The following ABR variants were observed in gnomAD, a reference collection of about 807,000 sequenced individuals.
ABR encodes the protein active breakpoint cluster region-related protein.
ABR carries 35 observed loss-of-function variants against 107.2 expected under a neutral mutation model. That is an observed-to-expected ratio of 0.33 (90% CI 0.25 to 0.43). ABR has a LOEUF of 0.43. Among genes scored for constraint, ABR ranks in the 20% least tolerant of loss-of-function variants. The pLI is 1.00. For missense variants in ABR, 815 were observed against 1,115.2 expected (o/e 0.73, Z 3.83); for synonymous variants, 498 against 462.0 (o/e 1.08, Z -1.00).
intron 2 of ABR, among the ~76,000 whole-genome samples, chr17:1,105,606 G>C (rs1479005401): frequency 2.6e-5 from 4 of 152,150 alleles, no homozygotes; most frequent in Non-Finnish European, 5.9e-5. Flanking sequence ...GGGCTCAGTG[G>C]CTCACTCCTG....
At chr17:1,025,152 C>T (rs1181073268) in intron 16 of ABR, among the ~76,000 whole-genome samples, 5 of 140,264 alleles carry the variant, frequency 3.6e-5, no homozygotes, top group African/African-American at 1.1e-4. Context: ...AAAACTTGGC[C>T]GGGCGTGGTG....
intron 7 of ABR, among the ~76,000 whole-genome samples, chr17:1,073,222 G>A (rs116996294): frequency 0.023 from 3,496 of 151,508 alleles, 101 homozygotes; most frequent in East Asian, 0.15. Flanking sequence ...AGCACAGCAG[G>A]GGAGAGGGCC....
chr17:1,175,431 A>G (rs2041886465), intron 1 of ABR, among the ~76,000 whole-genome samples: 1 of 152,192 alleles, frequency 6.6e-6, no homozygotes, highest in South Asian at 2.1e-4. Flanking sequence ...AGAGCCTCAG[A>G]GAGAGCATCA....
intron 1 of ABR, among the ~76,000 whole-genome samples, chr17:1,136,073 C>T (rs927903729): frequency 6.6e-6 from 1 of 152,170 alleles, no homozygotes; most frequent in Non-Finnish European, 1.5e-5. Context: ...GCACTGGCCC[C>T]TAACACTAGA....
chr17:1,210,267 T>C lies in ABR; in HGVS notation c.838+18526A>G, dbSNP rs2042876514. Among the ~76,000 whole-genome samples the C allele has an allele frequency of 6.6e-6, 1 of 152,184 alleles. No individual in the cohort carries two copies. The highest frequency in any genetic ancestry group is 1.5e-5 in the Non-Finnish European group (1 of 68,028). ...GGCTCACACCTGTAATCCCAACTCT[T>C]TGGGAGGCCGAGGTGGGTGAATCAC... On this transcript the variant is annotated intron_variant, in intron 1 of 22. Coordinates refer to the ABR transcript ENST00000574139. This position sits in a 1 kb window ranked among gnomAD's most constrained non-coding sequence, Gnocchi z 5.6.
intron 2 of ABR, among the ~76,000 whole-genome samples, chr17:1,109,689 C>T (rs1321790622): frequency 6.6e-6 from 1 of 151,904 alleles, no homozygotes; most frequent in Non-Finnish European, 1.5e-5. Context: ...GGAGGGGAGG[C>T]CCCGGCCCGC....
intron 1 of ABR, among the ~76,000 whole-genome samples, chr17:1,149,414 T>C (rs1181609286): frequency 6.8e-6 from 1 of 147,428 alleles, no homozygotes; most frequent in Non-Finnish European, 1.5e-5. Context: ...CAGAATTCAT[T>C]TCTGGTTTTA....
At chr17:1,062,653 T>C (rs2034149473) in intron 10 of ABR, among the ~76,000 whole-genome samples, 1 of 144,242 alleles carries the variant, frequency 6.9e-6, no homozygotes, top group Non-Finnish European at 1.6e-5. Context: ...CATGTTCCTC[T>C]AGACACTGTT....
In ABR at chr17:1,012,394, C is replaced by T. The variant is rs562094774; in HGVS notation, c.1961+294G>A. On this transcript the variant is annotated intron_variant, in intron 18 of 22. Transcript: ENST00000302538. ...AGGGGCCGCCAGTCCCCGTTGGTGCCGAGCCCAAACGTAGGCCCCCGGCTG... is the reference window on the plus strand; with the variant it reads ...AGGGGCCGCCAGTCCCCGTTGGTGCTGAGCCCAAACGTAGGCCCCCGGCTG... 519 of 664,656 alleles carry T rather than the reference C, an allele frequency of 7.8e-4. 4 individuals carry two copies. The highest frequency in any genetic ancestry group is 7.6e-3 in the African/African-American group (431 of 56,584). 41.2% of individuals were successfully genotyped at this position (664,656 alleles called of 1,614,324 possible). A position where few individuals can be genotyped will look rare whatever the true frequency, so the allele number is the denominator to read the frequency against.
intron 1 of ABR, among the ~76,000 whole-genome samples, chr17:1,140,437 C>T (rs887089412): frequency 5.3e-5 from 8 of 152,156 alleles, no homozygotes; most frequent in Non-Finnish European, 1.2e-4. Context: ...AACTGGCCAG[C>T]GGAAGCGAGG....
At chr17:1,075,815 G>A (rs988295891) in intron 6 of ABR, among the ~76,000 whole-genome samples, 10 of 152,234 alleles carry the variant, frequency 6.6e-5, no homozygotes, top group Admixed American at 2.0e-4. Flanking sequence ...GCCGAAGCGG[G>A]TGGATCATTT....
intron 1 of ABR, among the ~76,000 whole-genome samples, chr17:1,199,407 C>G (rs1327468629): frequency 6.6e-6 from 1 of 150,800 alleles, no homozygotes; most frequent in Non-Finnish European, 1.5e-5. Flanking sequence ...TTTTTGTTTT[C>G]TGGTTTTTTT....
chr17:1,191,068 T>C (rs2042421176), upstream of ABR, among the ~76,000 whole-genome samples: 1 of 152,208 alleles, frequency 6.6e-6, no homozygotes, highest in Non-Finnish European at 1.5e-5. Context: ...GAGGGCGCTA[T>C]ACAGTGCGAC....
rs369091186 is a variant in ABR, at chr17:1,106,705, T to C, written c.247-5970A>G. Among the ~76,000 whole-genome samples, 646 of 152,212 alleles carry C rather than the reference T, an allele frequency of 4.2e-3. 4 individuals carry two copies. Among genetic ancestry groups the C allele is most frequent in the African/African-American group, 0.015 (607 of 41,522 alleles). On this transcript the variant is annotated intron_variant, in intron 2 of 22. Coordinates refer to ENST00000302538, the MANE Select transcript of ABR (RefSeq NM_021962.5). ...CCACTACGCCCGGCTAATTTTTGTA[T>C]TTTTAGTAGAGATGTGGTTTCACTA...
chr17:1,060,861 G>A (rs533344823), intron 10 of ABR, among the ~76,000 whole-genome samples: 54 of 152,002 alleles, frequency 3.6e-4, no homozygotes, highest in East Asian at 1.6e-3. Context: ...GCGTGGTGGC[G>A]GACGCCTTTA....
intron 1 of ABR, among the ~76,000 whole-genome samples, chr17:1,205,908 C>T (rs150231285): frequency 0.034 from 5,137 of 152,020 alleles, 203 homozygotes; most frequent in African/African-American, 0.1. Flanking sequence ...CGCCACTGCA[C>T]TCCAGCCTGG....
At chr17:1,077,488 T>G (rs1449333646) in intron 6 of ABR, among the ~76,000 whole-genome samples, 2 of 152,120 alleles carry the variant, frequency 1.3e-5, no homozygotes, top group Non-Finnish European at 2.9e-5. Context: ...CTCTGATCGC[T>G]GACCAGGCCA....
chr17:1,031,894 C>G, intron 16 of ABR: 1 of 1,139,664 alleles, frequency 8.8e-7, no homozygotes, highest in Non-Finnish European at 1.1e-6. Flanking sequence ...CTCCCTCCCT[C>G]CGTCCGCGTC....
rs747754053 is a variant in ABR at position 1,011,992 on chromosome 17, T to C, written c.1962-7A>G. Reference sequence around the variant, plus strand: ...CACCTTGGAGCGCTCCCGCCTGGGGTGGAGCGTGAGGATGGGTGGAGGGCA... The same window carrying C: ...CACCTTGGAGCGCTCCCGCCTGGGGCGGAGCGTGAGGATGGGTGGAGGGCA... On this transcript the variant is annotated splice_region_variant and splice_polypyrimidine_tract_variant and intron_variant, in intron 18 of 22. Transcript: ENST00000302538. The surrounding 1 kb of genome is among the most constrained non-coding windows in gnomAD (Gnocchi z 4.8). 1 of 1,611,856 alleles carries C rather than the reference T, an allele frequency of 6.2e-7. No homozygotes were observed. Among genetic ancestry groups the C allele is most frequent in the Non-Finnish European group, 8.5e-7 (1 of 1,178,462 alleles).
Sources: gnomAD v4.1 joint callset for allele counts (sites outside exome capture counted in the v4.1 genomes callset) on GRCh38, gnomAD v4.1.1 for gene constraint, Gnocchi (gnomAD v3.1) non-coding constraint, MANE v1.5 for transcripts, NCBI Gene and HGNC (gene_info 2026-07-23, HGNC 2026-07-21) for gene names.